The following CYP46A1 variants were observed in gnomAD, a reference collection of about 807,000 sequenced individuals.
CYP46A1 encodes cholesterol 24-hydroxylase.
In CYP46A1, 20 loss-of-function variants were observed where a neutral mutation model predicts 63.3. The observed-to-expected ratio is 0.32, with a 90% CI of 0.22 to 0.46. The LOEUF is 0.46. CYP46A1 is among the 20% of genes least tolerant of loss of function. The probability of loss-of-function intolerance (pLI) is 1.00; values close to 1 mark genes in which losing one functional copy is unlikely to be tolerated. For missense variants in CYP46A1, 445 were observed against 670.8 expected (o/e 0.66, Z 3.72); for synonymous variants, 268 against 273.6 (o/e 0.98, Z 0.20).
intron 11 of CYP46A1, among the ~76,000 whole-genome samples, chr14:99,721,613 C>T (rs1407489701): frequency 6.6e-6 from 1 of 152,138 alleles, no homozygotes; most frequent in African/African-American, 2.4e-5. Flanking sequence ...CCTTAAGCTT[C>T]CCCTGGTGGA....
chr14:99,721,432 G>A lies in CYP46A1; in HGVS notation c.1065+109G>A, dbSNP rs924671998. ...AGTGGTTCTCAAACTTTGCTGCATA[G>A]GGTCCTCCCCCGGAAGATTTAAAGT... On this transcript the variant is annotated intron_variant, in intron 11 of 14. Coordinates refer to ENST00000261835, the MANE Select transcript of CYP46A1 (RefSeq NM_006668.2). 39 of 785,698 alleles carry A rather than the reference G, an allele frequency of 5.0e-5. No individual in the cohort carries two copies. The African/African-American group carries it at 5.6e-4, about 11-fold the overall frequency. 48.7% of individuals were successfully genotyped at this position (785,698 alleles called of 1,614,324 possible).
At chr14:99,690,131 C>A (rs1471284566) in intron 1 of CYP46A1, among the ~76,000 whole-genome samples, 1 of 152,248 alleles carries the variant, frequency 6.6e-6, no homozygotes, top group Non-Finnish European at 1.5e-5. Flanking sequence ...TCTCATCTCA[C>A]AAGCCACCCT....
intron 1 of CYP46A1, 150 bp from the exon 2 acceptor site, chr14:99,690,931 T>C (rs2056537996): frequency 4.4e-6 from 3 of 680,584 alleles, no homozygotes. Context: ...TCTTCATTCT[T>C]ACTGCCTGGT....
chr14:99,706,580 GA>G (rs2056678136), intron 5 of CYP46A1, 66 bp from the exon 6 acceptor site: 2 of 1,589,740 alleles, frequency 1.3e-6, no homozygotes, highest in Admixed American at 1.7e-5. Flanking sequence ...TGTGGAGAGG[GA>G]GGGCACATGG....
Position 99,719,835 on chromosome 14 carries a change from C to T in CYP46A1, c.981-1404C>T, listed in dbSNP as rs146804925. Among the ~76,000 whole-genome samples the T allele has an allele frequency of 2.9e-3, 425 of 147,390 alleles. 7 individuals carry two copies. In the Middle Eastern group the frequency reaches 0.054, roughly 19 times the overall value. On this transcript the variant is annotated intron_variant, in intron 10 of 14. Coordinates refer to ENST00000261835, the MANE Select transcript of CYP46A1 (RefSeq NM_006668.2). ...GCAGTGCAGTGGCACAATCTCAGCT[C>T]ACTGCAAGCTCCACCTCCCGGGTTC...
At chr14:99,726,084 C>T (rs186829574) in intron 13 of CYP46A1, 106 bp from the exon 14 acceptor site, 35 of 1,019,350 alleles carry the variant, frequency 3.4e-5, no homozygotes, top group African/African-American at 6.3e-5. Context: ...GCCCCTGGCT[C>T]AAAGTCTGTG....
At chr14:99,711,280 TTAG>T (rs1250598842) in intron 7 of CYP46A1, 2 of 151,382 alleles carry the variant, frequency 1.3e-5, no homozygotes, top group African/African-American at 4.9e-5. Flanking sequence ...AAAGCCAAAA[TTAG>T]TAGAAGGAAA....
intron 1 of CYP46A1, among the ~76,000 whole-genome samples, chr14:99,685,852 T>C (rs1332986172): frequency 6.6e-6 from 1 of 152,002 alleles, no homozygotes; most frequent in African/African-American, 2.4e-5. Flanking sequence ...TCCTCTGCCT[T>C]CTACTTTACC....
intron 5 of CYP46A1, chr14:99,703,749 G>A (rs1056142802): frequency 7.3e-5 from 69 of 946,506 alleles, no homozygotes; most frequent in African/African-American, 2.1e-4. Context: ...GGCAGAAGAC[G>A]CACCCTGTCC....
intron 5 of CYP46A1, among the ~76,000 whole-genome samples, chr14:99,701,767 C>T (rs2056632620): frequency 6.6e-6 from 1 of 152,158 alleles, no homozygotes; most frequent in Non-Finnish European, 1.5e-5. Context: ...ACATTTTCAT[C>T]ACCCTCAAAA....
intron 1 of CYP46A1, 68 bp downstream of exon 1, chr14:99,684,604 C>T (rs1459369448): frequency 7.4e-7 from 1 of 1,350,874 alleles, no homozygotes; most frequent in South Asian, 1.4e-5. Flanking sequence ...AGCGTCTAAG[C>T]CGGCGTCCAG....
chr14:99,699,881 A>G, intron 4 of CYP46A1, 134 bp from the exon 5 acceptor site: 3 of 643,224 alleles, frequency 4.7e-6, no homozygotes, highest in Non-Finnish European at 5.4e-6. Context: ...CAGTGCCTTC[A>G]CAATGTGGCG....
chr14:99,692,005 C>A (rs564242911), intron 3 of CYP46A1, 144 bp downstream of exon 3: 2 of 793,820 alleles, frequency 2.5e-6, no homozygotes, highest in Non-Finnish European at 4.1e-6. Context: ...AAAGGAATGG[C>A]ATCTTTCCCT....
intron 1 of CYP46A1, among the ~76,000 whole-genome samples, chr14:99,686,391 T>C (rs1449447530): frequency 6.6e-6 from 1 of 152,240 alleles, no homozygotes; most frequent in Non-Finnish European, 1.5e-5. Flanking sequence ...CTTTAGTGTA[T>C]GATTCAGTGG....
rs138740533 is a variant in CYP46A1, at chr14:99,688,827, C to T, written c.120-2254C>T. Among the ~76,000 whole-genome samples, 490 of 152,194 alleles carry T rather than the reference C, an allele frequency of 3.2e-3. 2 individuals carry two copies. Among genetic ancestry groups the T allele is most frequent in the African/African-American group, 0.011 (461 of 41,520 alleles). On this transcript the variant is annotated intron_variant, in intron 1 of 14. Coordinates refer to ENST00000261835, the MANE Select transcript of CYP46A1 (RefSeq NM_006668.2). ...CGGTTCCCGGTGATCTCCATGTTGT[C>T]GCACCCAGCCGTCAGCCCTGGATCC...
chr14:99,727,085 G>A lies in CYP46A1; in HGVS notation c.*358G>A, dbSNP rs938605012. The A allele has an allele frequency of 3.2e-5, 8 of 252,046 alleles. No homozygotes were observed. Among genetic ancestry groups the A allele is most frequent in the Non-Finnish European group, 4.6e-5 (6 of 131,736 alleles). 15.6% of individuals were successfully genotyped at this position (252,046 alleles called of 1,614,324 possible). On this transcript the variant is annotated 3_prime_UTR_variant, in exon 15 of 15. Coordinates refer to ENST00000261835, the MANE Select transcript of CYP46A1 (RefSeq NM_006668.2). ...GAAGCCCTCCTTGCCACCCCCCGCC[G>A]GCAGGGGCCCCTCCTCTGTGCTCCC...
chr14:99,726,398 C>CT (rs1300746831), intron 14 of CYP46A1, 142 bp downstream of exon 14: 5 of 1,172,028 alleles, frequency 4.3e-6, no homozygotes, highest in Middle Eastern at 3.0e-4. Flanking sequence ...ACCCAGAGGA[C>CT]TGGCTGTGTT....
chr14:99,698,185 C>T (rs540179102), intron 3 of CYP46A1, among the ~76,000 whole-genome samples: 52 of 152,162 alleles, frequency 3.4e-4, no homozygotes, highest in African/African-American at 1.2e-3. Flanking sequence ...CTTACTGCTT[C>T]CCAGCACCCA....
At chr14:99,721,205 T>C in intron 10 of CYP46A1, 34 bp from the exon 11 acceptor site, 1 of 1,554,462 alleles carries the variant, frequency 6.4e-7, no homozygotes, top group Non-Finnish European at 8.9e-7. Context: ...CAGGCTCCCT[T>C]TGGAGACGAA....
Sources: gnomAD v4.1 joint callset for allele counts (sites outside exome capture counted in the v4.1 genomes callset) on GRCh38, gnomAD v4.1.1 for gene constraint, MANE v1.5 for transcripts, NCBI Gene and HGNC (gene_info 2026-07-23, HGNC 2026-07-21) for gene names.